Variants in ARFGEF1 observed in about 807,000 individuals in gnomAD.
The protein encoded by ARFGEF1 is ARF guanine nucleotide exchange factor 1.
ARFGEF1 carries 42 observed loss-of-function variants against 231.0 expected under a neutral mutation model. That is an observed-to-expected ratio of 0.18 (90% CI 0.14 to 0.24). ARFGEF1 has a LOEUF of 0.24. Among genes scored for constraint, ARFGEF1 ranks in the 10% least tolerant of loss-of-function variants. The probability of loss-of-function intolerance (pLI) is 1.00; values close to 1 mark genes in which losing one functional copy is unlikely to be tolerated. For synonymous variants in ARFGEF1, 710 were observed against 732.3 expected, an observed-to-expected ratio of 0.97 and a Z score of 0.49; for missense variants, 1,345 against 2,192.0, an observed-to-expected ratio of 0.61 and a Z score of 7.72.
intron 3 of ARFGEF1, 106 bp downstream of exon 3, chr8:67,301,118 A>G: frequency 9.1e-7 from 1 of 1,097,812 alleles, no homozygotes; most frequent in Non-Finnish European, 1.3e-6. Context: ...ACCACAAAAA[A>G]GAGTATTCAA....
In ARFGEF1 at chr8:67,197,969, C is replaced by G; in HGVS notation, c.*965G>C. The G allele has an allele frequency of 1.0e-6, 1 of 985,784 alleles. No homozygotes were observed. The highest frequency in any genetic ancestry group is 1.2e-6 in the Non-Finnish European group (1 of 829,920). The allele number at this position is 985,784 out of a possible 1,614,324, so 61.1% of individuals were successfully genotyped here. A position where few individuals can be genotyped will look rare whatever the true frequency, so the allele number is the denominator to read the frequency against. ...AATATATTCAACGTTAAATTCTGTA[C>G]ATAGAGTAAAATCTACATCAAGCCC... is the stretch of plus-strand genomic sequence containing the variant. On this transcript the variant is annotated 3_prime_UTR_variant, in exon 39 of 39. Coordinates refer to ENST00000262215, the MANE Select transcript of ARFGEF1 (RefSeq NM_006421.5).
chr8:67,223,063 T>C (rs201708341), intron 29 of ARFGEF1, among the ~76,000 whole-genome samples: 3 of 152,366 alleles, frequency 2.0e-5, no homozygotes, highest in African/African-American at 7.2e-5. Context: ...GCAGAGAACA[T>C]ACTCCTGTCA....
Position 67,217,990 on chromosome 8 carries a change from G to A in ARFGEF1, c.4474+13C>T. On this transcript the variant is annotated intron_variant, in intron 31 of 38. Transcript: ENST00000262215. The stretch of plus-strand genomic sequence containing the variant: ...ATTTAACACTTTGTGTCACATATCT[G>A]GTACAGACCTACCTTGCTGCACACA... 1 of 1,611,738 alleles carries A rather than the reference G, an allele frequency of 6.2e-7. No individual in the cohort carries two copies. Among genetic ancestry groups the A allele is most frequent in the Non-Finnish European group, 8.5e-7 (1 of 1,178,872 alleles).
intron 8 of ARFGEF1, 91 bp downstream of exon 8, chr8:67,277,191 T>C: frequency 7.9e-7 from 1 of 1,273,032 alleles, no homozygotes; most frequent in South Asian, 1.5e-5. Flanking sequence ...GGCAGCATCA[T>C]CAGCTGAAAA....
intron 1 of ARFGEF1, among the ~76,000 whole-genome samples, chr8:67,305,946 T>TG: frequency 6.6e-6 from 1 of 152,370 alleles, no homozygotes; most frequent in South Asian, 2.1e-4. Context: ...AATTTTCAGT[T>TG]TGAAGTTCGA....
At chr8:67,308,724 T>C (rs1465179715) in intron 1 of ARFGEF1, among the ~76,000 whole-genome samples, 2 of 152,230 alleles carry the variant, frequency 1.3e-5, no homozygotes, top group South Asian at 2.1e-4. Flanking sequence ...TTGCTTACCT[T>C]TGATTCTGAG....
intron 1 of ARFGEF1, among the ~76,000 whole-genome samples, chr8:67,313,273 C>CT (rs1396332716): frequency 6.6e-6 from 1 of 152,142 alleles, no homozygotes; most frequent in East Asian, 1.9e-4. Flanking sequence ...CTCCTGAACT[C>CT]TTTTTCAGGT....
chr8:67,209,930 ATCACGAGG>A (rs1402680470), intron 34 of ARFGEF1, among the ~76,000 whole-genome samples: 3 of 151,858 alleles, frequency 2.0e-5, no homozygotes, highest in Non-Finnish European at 4.4e-5. Context: ...AGCCGGGTGG[ATCACGAGG>A]TCAGGAGATC....
rs765893935 is a variant in ARFGEF1 at position 67,343,278 on chromosome 8, C to T, written c.10G>A (p.Gly4Arg). The T allele has an allele frequency of 1.6e-5, 26 of 1,613,542 alleles. No individual in the cohort carries two copies. The highest frequency in any genetic ancestry group is 5.0e-5 in the Admixed American group (3 of 59,990). Residue 4 changes from glycine to arginine, a missense_variant, in exon 1 of 39, where the codon GGG becomes AGG. Transcript: ENST00000262215. ...AGGAACATGTTCTTCGTCTTCTTCC[C>T]CTCATACATGGACGCAGAGAAGGAG... MYE[G>R]KKTKNMFLTR...
chr8:67,315,684 A>T (rs1351675258), intron 1 of ARFGEF1, among the ~76,000 whole-genome samples: 3 of 152,224 alleles, frequency 2.0e-5, no homozygotes, highest in African/African-American at 7.2e-5. Context: ...GAGAAAAACT[A>T]ATATTTCCAA....
At position 67,316,716 on chromosome 8, in the gene ARFGEF1, T is replaced by C. The variant is rs181103155; in HGVS notation, c.125-14250A>G. Among the ~76,000 whole-genome samples the C allele has an allele frequency of 7.9e-5, 12 of 152,256 alleles. No individual in the cohort carries two copies. The East Asian group carries it at 2.3e-3, about 29-fold the overall frequency. On this transcript the variant is annotated intron_variant, in intron 1 of 38. Coordinates refer to ENST00000262215, the MANE Select transcript of ARFGEF1 (RefSeq NM_006421.5). ...CTCAAGTGATCTGCCCTCCTCGACC[T>C]CCCAAAATGCTGCGATTACAGGCAT...
rs527696022 is a variant in ARFGEF1 at position 67,247,106 on chromosome 8, G to C, written c.2850+4193C>G. 1.3e-5 allele frequency among the ~76,000 whole-genome samples: 2 copies of C among 150,274 alleles called. 1 individual carries two copies. Among genetic ancestry groups the C allele is most frequent in the African/African-American group, 5.0e-5 (2 of 40,324 alleles). Reference sequence around the variant, plus strand: ...AATGAGATCAAAGCCATAACAAAAAGTCTCTCAGCAAAAGAAAGCGTGAAA... The same window carrying C: ...AATGAGATCAAAGCCATAACAAAAACTCTCTCAGCAAAAGAAAGCGTGAAA... On this transcript the variant is annotated intron_variant, in intron 19 of 38. Transcript: ENST00000262215.
At chr8:67,215,732 C>G (rs545238460) in intron 33 of ARFGEF1, among the ~76,000 whole-genome samples, 3 of 152,264 alleles carry the variant, frequency 2.0e-5, no homozygotes, top group African/African-American at 7.2e-5. Context: ...TGTGGCCCTG[C>G]TAACTCCTTG....
At chr8:67,241,463 C>T (rs1463884394) in intron 19 of ARFGEF1, among the ~76,000 whole-genome samples, 1 of 151,972 alleles carries the variant, frequency 6.6e-6, no homozygotes, top group Non-Finnish European at 1.5e-5. Context: ...ACAAACGGTT[C>T]TTAAGGCAGT....
Position 67,177,647 on chromosome 8 carries a change from T to C in ARFGEF1, c.561-2075A>G, listed in dbSNP as rs560210615. 3.9e-6 allele frequency: 6 copies of C among 1,525,346 alleles called. No individual in the cohort carries two copies. In the South Asian group the frequency reaches 7.0e-5, roughly 18 times the overall value. The allele number at this position is 1,525,346 out of a possible 1,614,324, so 94.5% of individuals were successfully genotyped here. A position where few individuals can be genotyped will look rare whatever the true frequency, so the allele number is the denominator to read the frequency against. ...TTTATATAGTAAGCATTTTCTGACC[T>C]TTTAATTTGCTTTTGTTCTCCATTG... On this transcript the variant is annotated intron_variant, in intron 5 of 5. Transcript: ENST00000518789.
intron 17 of ARFGEF1, among the ~76,000 whole-genome samples, chr8:67,255,186 C>T (rs757641593): frequency 1.3e-5 from 2 of 152,106 alleles, no homozygotes; most frequent in Non-Finnish European, 2.9e-5. Context: ...TTTGAGGTCC[C>T]CAAAATAAGT....
chr8:67,299,735 C>T (rs1228908448), intron 3 of ARFGEF1, among the ~76,000 whole-genome samples: 1 of 152,098 alleles, frequency 6.6e-6, no homozygotes, highest in Non-Finnish European at 1.5e-5. Flanking sequence ...CATTGTCAGT[C>T]CACATTGGGT....
chr8:67,232,864 GCAA>G lies in ARFGEF1; in HGVS notation c.3368_3370del (p.Val1123del), dbSNP rs1839599997. On this transcript the variant is annotated inframe_deletion, in exon 23 of 39. Transcript: ENST00000262215. ...AAAATGAATACCTTACCTATCTACA[GCAA>G]CAACAACACTCTGAGAACTGGTTTC... 1 of 1,603,002 alleles carries G rather than the reference GCAA, an allele frequency of 6.2e-7. No individual in the cohort carries two copies. Among genetic ancestry groups the G allele is most frequent in the Admixed American group, 1.7e-5 (1 of 59,226 alleles).
Position 67,271,777 on chromosome 8 carries a change from C to T in ARFGEF1, c.1497G>A (p.Glu499=). The T allele has an allele frequency of 6.2e-7, 1 of 1,613,772 alleles. No individual in the cohort carries two copies. Among genetic ancestry groups the T allele is most frequent in the Non-Finnish European group, 8.5e-7 (1 of 1,179,858 alleles). The change falls in exon 10 of 39, where the codon GAG becomes GAA. Residue 499 remains glutamate (E), a synonymous_variant. Transcript: ENST00000262215. ...LSKNGVSSVP[E]VFELSLSIFL... ...ATATAGAAAGAGAAAGCTCAAAAAC[C>T]TCTGGAACAGATGAGACTCCATTTT...
Sources: allele counts gnomAD v4.1 joint callset (sites outside exome capture counted in the v4.1 genomes callset), GRCh38; gene constraint gnomAD v4.1.1; transcripts MANE v1.5; gene names NCBI Gene and HGNC (gene_info 2026-07-23, HGNC 2026-07-21).